Variants in TRHDE observed in about 807,000 individuals in gnomAD.
The protein encoded by TRHDE is thyrotropin-releasing hormone-degrading ectoenzyme.
Under a neutral mutation model 125.7 loss-of-function variants are expected in TRHDE, and 72 were observed. The observed-to-expected ratio is 0.57, with a 90% CI of 0.47 to 0.70. The LOEUF is 0.70. TRHDE is among the 30% of genes least tolerant of loss of function. The probability of loss-of-function intolerance (pLI) is 0.00; values close to 1 mark genes in which losing one functional copy is unlikely to be tolerated. For synonymous variants in TRHDE, 509 were observed against 509.1 expected (o/e 1.00, Z 0.00); for missense variants, 1,110 against 1,327.1 (o/e 0.84, Z 2.54).
At chr12:72,149,252 C>A (rs148537364) in intron 2 of TRHDE, among the ~76,000 whole-genome samples, 1 of 151,926 alleles carries the variant, frequency 6.6e-6, no homozygotes, top group Non-Finnish European at 1.5e-5. Context: ...GTATGTGATG[C>A]GTACTAAGTA....
intron 3 of TRHDE, among the ~76,000 whole-genome samples, chr12:72,386,525 AT>A (rs1390735379): frequency 6.6e-6 from 1 of 151,578 alleles, no homozygotes; most frequent in Non-Finnish European, 1.5e-5. Context: ...TCTTTATTGA[AT>A]TTTTCCCTAT....
rs557797695 is a variant in TRHDE, at chr12:72,631,521, C to T, written c.2675+9770C>T. 2.6e-5 allele frequency among the ~76,000 whole-genome samples: 4 copies of T among 151,956 alleles called. No homozygotes were observed. The South Asian group carries it at 8.3e-4, about 31-fold the overall frequency. On this transcript the variant is annotated intron_variant, in intron 15 of 18. Coordinates refer to ENST00000261180, the MANE Select transcript of TRHDE (RefSeq NM_013381.3). Reference sequence around the variant, plus strand: ...TATATGAAATTCATAATGCATTTCACTGCTTTTCACGTAAAAAGAAAACAG... The same window carrying T: ...TATATGAAATTCATAATGCATTTCATTGCTTTTCACGTAAAAAGAAAACAG...
At chr12:72,290,198 T>C (rs1880035032) in intron 2 of TRHDE, among the ~76,000 whole-genome samples, 1 of 152,182 alleles carries the variant, frequency 6.6e-6, no homozygotes, top group Admixed American at 6.5e-5. Context: ...GAGAAGCAGA[T>C]ACTGTGTGCA....
chr12:72,315,462 AT>A (rs1181956609), intron 2 of TRHDE, among the ~76,000 whole-genome samples: 1 of 152,072 alleles, frequency 6.6e-6, no homozygotes, highest in Admixed American at 6.6e-5. Flanking sequence ...TTTCTTGTGC[AT>A]TTTAATCAGC....
In TRHDE at chr12:72,273,703, G is replaced by C. The variant is rs1349414962; in HGVS notation, c.914+146G>C. 2 of 739,120 alleles carry C rather than the reference G, an allele frequency of 2.7e-6. No homozygotes were observed. The highest frequency in any genetic ancestry group is 2.2e-6 in the Non-Finnish European group (1 of 457,334). The allele number at this position is 739,120 out of a possible 1,614,324, so 45.8% of individuals were successfully genotyped here. ...AAGGAAACGAAAGCGGAGTAGGGCA[G>C]TCAGAACTCCGGGGTCTCCCAGATG... On this transcript the variant is annotated intron_variant, in intron 1 of 18. Transcript: ENST00000261180. The surrounding 1 kb of genome is among the most constrained non-coding windows in gnomAD (Gnocchi z 5.3).
chr12:72,102,045 G>A lies in TRHDE; in HGVS notation n.175-3603G>A, dbSNP rs768363229. Among the ~76,000 whole-genome samples, 7 of 152,224 alleles carry A rather than the reference G, an allele frequency of 4.6e-5. No homozygotes were observed. In the South Asian group the frequency reaches 1.5e-3, roughly 32 times the overall value. ...GTCTGAATCTTTGCTTAAAGCAAGG[G>A]CCTCTCGATGGAACACAGGGAATCT... On this transcript the variant is annotated intron_variant and non_coding_transcript_variant, in intron 1 of 4. Coordinates refer to the TRHDE transcript ENST00000548156.
At position 72,669,244 on chromosome 12, in the gene TRHDE, G is replaced by A. The variant is rs1010404186; in HGVS notation, c.*6049G>A. The A allele has an allele frequency of 1.8e-4, 28 of 151,940 alleles. No homozygotes were observed. The highest frequency in any genetic ancestry group is 6.3e-4 in the African/African-American group (26 of 41,526). 9.4% of individuals were successfully genotyped at this position (151,940 alleles called of 1,614,324 possible). ...TGGAGGAGACATATTAGTCTAGCCA[G>A]AACTTTCCTTTTGCTTAGCAGTGAG... On this transcript the variant is annotated 3_prime_UTR_variant, in exon 19 of 19. Transcript: ENST00000261180.
chr12:72,515,100 G>C (rs1166185495), intron 6 of TRHDE, among the ~76,000 whole-genome samples: 7 of 129,672 alleles, frequency 5.4e-5, no homozygotes, highest in South Asian at 2.5e-4. Flanking sequence ...ATAAACATAC[G>C]TGTGCATGTG....
intron 2 of TRHDE, among the ~76,000 whole-genome samples, chr12:72,135,351 T>A (rs1466365600): frequency 6.6e-6 from 1 of 152,134 alleles, no homozygotes; most frequent in Non-Finnish European, 1.5e-5. Flanking sequence ...AGAACCCCCA[T>A]GAGATATGAT....
intron 15 of TRHDE, among the ~76,000 whole-genome samples, chr12:72,644,539 G>A (rs768828017): frequency 9.9e-5 from 15 of 152,194 alleles, no homozygotes; most frequent in Non-Finnish European, 1.8e-4. Context: ...CATGCTTCCA[G>A]TGCTTCAACG....
chr12:72,594,695 C>G (rs1415833379), intron 12 of TRHDE, among the ~76,000 whole-genome samples: 1 of 151,560 alleles, frequency 6.6e-6, no homozygotes, highest in East Asian at 2.0e-4. Flanking sequence ...TTATGAACTA[C>G]TCTAATGTGG....
chr12:72,199,119 A>G (rs1454879901), intron 2 of TRHDE, among the ~76,000 whole-genome samples: 2 of 152,192 alleles, frequency 1.3e-5, no homozygotes, highest in African/African-American at 2.4e-5. Flanking sequence ...ACAATCCAAC[A>G]TGAAATTTGG....
intron 2 of TRHDE, among the ~76,000 whole-genome samples, chr12:72,307,865 A>G (rs1180368026): frequency 6.6e-6 from 1 of 152,312 alleles, no homozygotes; most frequent in Admixed American, 6.5e-5. Context: ...AAGGTAACTA[A>G]TTGAGGCTTT....
chr12:72,634,061 C>T (rs1240267656), intron 15 of TRHDE, among the ~76,000 whole-genome samples: 1 of 152,090 alleles, frequency 6.6e-6, no homozygotes, highest in African/African-American at 2.4e-5. Flanking sequence ...CCCTGCCAAA[C>T]CCTTTATATA....
At chr12:72,336,660 C>A (rs1027530073) in intron 2 of TRHDE, among the ~76,000 whole-genome samples, 1 of 152,126 alleles carries the variant, frequency 6.6e-6, no homozygotes, top group Non-Finnish European at 1.5e-5. Context: ...AAGCATGATG[C>A]CCAGTATCTG....
At chr12:72,217,409 T>C (rs1228518040) in intron 2 of TRHDE, among the ~76,000 whole-genome samples, 1 of 152,190 alleles carries the variant, frequency 6.6e-6, no homozygotes, top group Non-Finnish European at 1.5e-5. Flanking sequence ...GTAGCCTTAC[T>C]CAACAGCTTC....
At chr12:72,456,531 G>A (rs1400468653) in intron 3 of TRHDE, among the ~76,000 whole-genome samples, 1 of 152,002 alleles carries the variant, frequency 6.6e-6, no homozygotes, top group East Asian at 1.9e-4. Context: ...TTTCTTCATG[G>A]TAGTCTCCTG....
intron 2 of TRHDE, among the ~76,000 whole-genome samples, chr12:72,332,999 A>G (rs1443783257): frequency 3.3e-5 from 5 of 152,230 alleles, no homozygotes; most frequent in Non-Finnish European, 7.3e-5. Context: ...CCTTTGAAGG[A>G]TAGTCTGACT....
chr12:72,269,297 C>T (rs1161797423), upstream of TRHDE, among the ~76,000 whole-genome samples: 2 of 152,124 alleles, frequency 1.3e-5, no homozygotes, highest in Non-Finnish European at 2.9e-5. Flanking sequence ...TATTTACCTA[C>T]TTGATCTTGA....
Sources: gnomAD v4.1 joint callset for allele counts (sites outside exome capture counted in the v4.1 genomes callset) on GRCh38, gnomAD v4.1.1 for gene constraint, Gnocchi (gnomAD v3.1) non-coding constraint, MANE v1.5 for transcripts, NCBI Gene and HGNC (gene_info 2026-07-23, HGNC 2026-07-21) for gene names.